The following SYNE2 variants were observed in gnomAD, a reference collection of about 807,000 sequenced individuals.
SYNE2 encodes the protein nesprin-2.
A neutral mutation model predicts 856.3 loss-of-function variants in SYNE2; 431 were observed. That is an observed-to-expected ratio of 0.50 (90% CI 0.47 to 0.55). SYNE2 has a LOEUF of 0.55. Ranked by LOEUF, SYNE2 falls within the 20% of genes least tolerant of loss-of-function variation. The probability of loss-of-function intolerance (pLI) is 0.00; values close to 1 mark genes in which losing one functional copy is unlikely to be tolerated. For missense variants in SYNE2, 8,129 were observed against 8,023.2 expected (o/e 1.01, Z -0.50); for synonymous variants, 2,923 against 2,872.3 (o/e 1.02, Z -0.56).
In SYNE2 at chr14:64,140,044, A is replaced by G. The variant is rs1474892193; in HGVS notation, c.14947A>G (p.Thr4983Ala). 1.2e-6 allele frequency: 2 copies of G among 1,613,952 alleles called. No individual in the cohort carries two copies. Among genetic ancestry groups the G allele is most frequent in the Non-Finnish European group, 1.7e-6 (2 of 1,179,970 alleles). The change falls in exon 80 of 116, where the codon ACA becomes GCA. Residue 4983 changes from threonine (T) to alanine (A), a missense_variant. Transcript: ENST00000555002. Reference sequence around the variant, plus strand: ...CCTCAATGTGTCTCAGGACTTGGATACAATCAGAAGCAACATCAACAATTT... The same window carrying G: ...CCTCAATGTGTCTCAGGACTTGGATGCAATCAGAAGCAACATCAACAATTT... ...QSLNVSQDLD[T>A]IRSNINNFFE...
rs1321342814 is a variant in SYNE2 at position 64,076,056 on chromosome 14, C to T, written c.10978C>T (p.Gln3660Ter). The T allele has an allele frequency of 1.9e-6, 3 of 1,613,706 alleles. No homozygotes were observed. The African/African-American group carries it at 4.0e-5, about 22-fold the overall frequency. Residue 3660 changes from glutamine to a stop codon, truncating the protein, a stop_gained, in exon 54 of 116, where the codon CAG (glutamine) becomes TAG (stop). Coordinates refer to ENST00000555002, the MANE Select transcript of SYNE2 (RefSeq NM_182914.3). LOFTEE classifies it high-confidence loss of function. ...CATAGTCCCTGCAGAGATTGAATCC[C>T]AGGTGGAAGAATGCAGAAAAGCTTT... ...YTIVPAEIES[Q>*]VEECRKALED...
At chr14:63,947,843 AAAAG>A (rs1316253698) in intron 6 of SYNE2, among the ~76,000 whole-genome samples, 1 of 152,168 alleles carries the variant, frequency 6.6e-6, no homozygotes, top group East Asian at 1.9e-4. Flanking sequence ...GTCTAAAAAA[AAAAG>A]AAAGAAAAGC....
chr14:63,874,469 A>G (rs2094668587), intron 1 of SYNE2, among the ~76,000 whole-genome samples: 1 of 152,174 alleles, frequency 6.6e-6, no homozygotes, highest in African/African-American at 2.4e-5. Flanking sequence ...TCGCAGGAAG[A>G]TGACAGGCCA....
At chr14:64,145,612 T>C (rs949901252) in intron 83 of SYNE2, among the ~76,000 whole-genome samples, 2 of 152,118 alleles carry the variant, frequency 1.3e-5, no homozygotes, top group African/African-American at 2.4e-5. Context: ...ATAAAAAATT[T>C]ATTATGAATG....
At position 63,776,077 on chromosome 14, in the gene SYNE2, T is replaced by G. The variant is rs547022159; in HGVS notation, c.-305+14091T>G. Among the ~76,000 whole-genome samples the G allele has an allele frequency of 2.0e-5, 3 of 152,308 alleles. No individual in the cohort carries two copies. The South Asian group carries it at 6.2e-4, about 32-fold the overall frequency. On this transcript the variant is annotated intron_variant, in intron 1 of 23. Coordinates refer to the SYNE2 transcript ENST00000674003. ...ATGTTTATTAGAATATTTACACCTA[T>G]TGATTACCATGGTAGCAGATGATTA...
rs186103122 is a variant in SYNE2, at chr14:63,883,830, G to T, written c.-51-25268G>T. ...TGAACTAAAATATAAATGTAGCCTT[G>T]GTTATATTGCTTATAATACAGAAGC... On this transcript the variant is annotated intron_variant, in intron 1 of 115. Transcript: ENST00000555002. Among the ~76,000 whole-genome samples, 13 of 150,238 alleles carry T rather than the reference G, an allele frequency of 8.7e-5. No homozygotes were observed. The East Asian group carries it at 2.5e-3, about 29-fold the overall frequency.
intron 45 of SYNE2, among the ~76,000 whole-genome samples, chr14:64,042,173 A>G (rs188130933): frequency 1.3e-5 from 2 of 152,232 alleles, no homozygotes; most frequent in Non-Finnish European, 2.9e-5. Context: ...TAATCTGTTA[A>G]CATGGATAAA....
At chr14:64,130,897 AAAG>A (rs558084535) in intron 76 of SYNE2, among the ~76,000 whole-genome samples, 1 of 150,926 alleles carries the variant, frequency 6.6e-6, no homozygotes, top group Non-Finnish European at 1.5e-5. Flanking sequence ...AAAAAAAAAA[AAAG>A]AAGAAAAGGC....
chr14:64,170,490 A>T (rs768833300), intron 94 of SYNE2, 28 bp downstream of exon 94: 12 of 1,578,690 alleles, frequency 7.6e-6, no homozygotes, highest in Non-Finnish European at 1.0e-5. Flanking sequence ...GCAGTGTGAG[A>T]ACCACAGGGT....
chr14:64,090,780 A>G (rs1375071873), intron 59 of SYNE2, 86 bp from the exon 60 acceptor site: 2 of 1,215,826 alleles, frequency 1.6e-6, no homozygotes, highest in East Asian at 2.5e-5. Flanking sequence ...TATAAAAACT[A>G]TACTGTATTT....
At chr14:64,087,170 G>A (rs921758739) in intron 57 of SYNE2, among the ~76,000 whole-genome samples, 20 of 144,050 alleles carry the variant, frequency 1.4e-4, no homozygotes, top group African/African-American at 4.5e-4. Flanking sequence ...TTTTGAATAA[G>A]ATTAATATAA....
At position 64,081,654 on chromosome 14, in the gene SYNE2, T is replaced by C. The variant is rs912590798; in HGVS notation, c.11484+74T>C. ...TTCGTGGCTTAGCTGATTGTCTTGG[T>C]GCTTTTTTCCTCCTTTCCTGAAATA... On this transcript the variant is annotated intron_variant, in intron 57 of 115. Coordinates refer to ENST00000555002, the MANE Select transcript of SYNE2 (RefSeq NM_182914.3). The C allele has an allele frequency of 6.5e-6, 10 of 1,549,116 alleles. No individual in the cohort carries two copies. In the African/African-American group the frequency reaches 1.4e-4, roughly 21 times the overall value.
intron 77 of SYNE2, among the ~76,000 whole-genome samples, chr14:64,133,505 G>A (rs1042402744): frequency 4.6e-5 from 7 of 152,084 alleles, no homozygotes; most frequent in Non-Finnish European, 1.0e-4. Flanking sequence ...CCATGGAAAC[G>A]GGGCAAGCTA....
Position 64,087,794 on chromosome 14 carries a change from C to A in SYNE2, c.11608C>A (p.Gln3870Lys). Residue 3870 changes from glutamine to lysine, a missense_variant, in exon 58 of 116, where the codon CAA becomes AAA. By Grantham distance (53) the Gln-to-Lys change is moderately conservative. This residue lies in a region of SYNE2 where 5,410 missense variants were observed against 5,284.8 expected (regional missense o/e 1.02). Coordinates refer to ENST00000555002, the MANE Select transcript of SYNE2 (RefSeq NM_182914.3). ...LTQSIQELSNQVTALQQKIME... is the reference protein window; with the variant it reads ...LTQSIQELSNKVTALQQKIME... The stretch of plus-strand genomic sequence containing the variant: ...CCAATCCATACAAGAGTTAAGTAAT[C>A]AAGTAACAGCTTTACAACAAAAAAT... 6.2e-7 allele frequency: 1 copy of A among 1,614,024 alleles called. No homozygotes were observed. The highest frequency in any genetic ancestry group is 8.5e-7 in the Non-Finnish European group (1 of 1,179,958).
intron 2 of SYNE2, among the ~76,000 whole-genome samples, chr14:63,937,496 T>C (rs1252933707): frequency 6.6e-6 from 1 of 152,188 alleles, no homozygotes; most frequent in Non-Finnish European, 1.5e-5. Flanking sequence ...TCATCTGTGC[T>C]GATAGGTTGG....
In SYNE2 at chr14:64,170,342, C is replaced by T. The variant is rs1450190172; in HGVS notation, c.17115C>T (p.Phe5705=). 1 of 1,614,042 alleles carries T rather than the reference C, an allele frequency of 6.2e-7. No individual in the cohort carries two copies. The highest frequency in any genetic ancestry group is 8.5e-7 in the Non-Finnish European group (1 of 1,180,046). ...GGCTGGTGAGGCAGTGGCAAGATTT[C>T]ACTACTTCTGTGGAGAACTTGTTTC... ...VDGLVRQWQD[F]TTSVENLFRF... Residue 5705 remains phenylalanine (F), a synonymous_variant, in exon 94 of 116, where the codon TTC becomes TTT. Coordinates refer to ENST00000555002, the MANE Select transcript of SYNE2 (RefSeq NM_182914.3).
At chr14:63,857,171 G>T (rs887587070) in intron 1 of SYNE2, among the ~76,000 whole-genome samples, 1 of 152,138 alleles carries the variant, frequency 6.6e-6, no homozygotes, top group Non-Finnish European at 1.5e-5. Flanking sequence ...TCCAGCCAAT[G>T]ATAGCTTTCT....
At chr14:64,084,767 T>C in intron 57 of SYNE2, 1 of 518,638 alleles carries the variant, frequency 1.9e-6, no homozygotes, top group South Asian at 3.2e-5. Context: ...TATCACAGTT[T>C]CTGTGGGTCA....
At chr14:63,775,556 G>T (rs533389390) in intron 1 of SYNE2, among the ~76,000 whole-genome samples, 1 of 152,088 alleles carries the variant, frequency 6.6e-6, no homozygotes, top group African/African-American at 2.4e-5. Flanking sequence ...GATTACAGGC[G>T]TGAGCCACTA....
Sources: gnomAD v4.1 joint callset for allele counts (sites outside exome capture counted in the v4.1 genomes callset) on GRCh38, gnomAD v4.1.1 for gene constraint, gnomAD v4.1.1 regional missense constraint, MANE v1.5 for transcripts, NCBI Gene and HGNC (gene_info 2026-07-23, HGNC 2026-07-21) for gene names.